TMEM198: variants seen among roughly 807,000 people sequenced by gnomAD.
TMEM198 encodes transmembrane protein 198.
Under a neutral mutation model 31.5 loss-of-function variants are expected in TMEM198, and 21 were observed. The ratio of observed to expected loss-of-function variants is 0.67; its 90% CI spans 0.47 to 0.96. The LOEUF is 0.96. TMEM198 is among the 40% of genes least tolerant of loss of function. The probability of loss-of-function intolerance (pLI) is 0.00; values close to 1 mark genes in which losing one functional copy is unlikely to be tolerated. For synonymous variants in TMEM198, 211 were observed against 223.3 expected, an observed-to-expected ratio of 0.95 and a Z score of 0.49; for missense variants, 447 against 499.4, an observed-to-expected ratio of 0.89 and a Z score of 1.00.
chr2:219,547,285 T>G, intron 2 of TMEM198: 1 of 437,410 alleles, frequency 2.3e-6, no homozygotes, highest in Non-Finnish European at 4.0e-6. Context: ...ATGGTTATGT[T>G]TGCCTTCCCA....
Position 219,550,400 on chromosome 2 carries a change from G to A in TMEM198, c.*546G>A. On this transcript the variant is annotated 3_prime_UTR_variant, in exon 5 of 5. Transcript: ENST00000373883. ...GCCTCTGTAAAGCCACCAGCCTGAGGGCAGTGGCAGGAGATGGGGGTGGGG... is the reference window on the plus strand; with the variant it reads ...GCCTCTGTAAAGCCACCAGCCTGAGAGCAGTGGCAGGAGATGGGGGTGGGG... 1 of 209,298 alleles carries A rather than the reference G, an allele frequency of 4.8e-6. No individual in the cohort carries two copies. 13.0% of individuals were successfully genotyped at this position (209,298 alleles called of 1,614,324 possible). A position where few individuals can be genotyped will look rare whatever the true frequency, so the allele number is the denominator to read the frequency against.
intron 3 of TMEM198, chr2:219,548,945 A>T: frequency 1.7e-6 from 1 of 593,782 alleles, no homozygotes; most frequent in Admixed American, 3.1e-5. Flanking sequence ...GCAACCTTCC[A>T]TAAAGACCTA....
At chr2:219,547,379 C>T (rs2105993918) in intron 2 of TMEM198, 127 bp from the exon 3 acceptor site, 2 of 753,742 alleles carry the variant, frequency 2.7e-6, no homozygotes, top group Non-Finnish European at 3.9e-6. Context: ...CAGTGACCCT[C>T]AATTCTCTGA....
upstream of TMEM198, chr2:219,543,693 C>T (rs555212430): frequency 3.3e-4 from 161 of 488,640 alleles, no homozygotes; most frequent in Non-Finnish European, 5.2e-4. Flanking sequence ...GCGGCCCGAG[C>T]CGAATCCCCG....
rs768324449 is a variant in TMEM198, at chr2:219,547,620, C to T, written c.281C>T (p.Ala94Val). 2.7e-5 allele frequency: 41 copies of T among 1,512,380 alleles called. No homozygotes were observed. In the Middle Eastern group the frequency reaches 7.5e-4, roughly 28 times the overall value. The allele number at this position is 1,512,380 out of a possible 1,614,324, so 93.7% of individuals were successfully genotyped here. A position where few individuals can be genotyped will look rare whatever the true frequency, so the allele number is the denominator to read the frequency against. The change falls in exon 3 of 5, where the codon GCG becomes GTG. Residue 94 changes from alanine (A) to valine (V), a missense_variant. Ala to Val is a moderately conservative substitution (Grantham distance 64). Coordinates refer to ENST00000373883, the MANE Select transcript of TMEM198 (RefSeq NM_001005209.3). ...RVLETQLSAG[A>V]SAGIALGIGL... ...CTAGAGACACAGCTGAGTGCTGGGGCGAGCGCGGGCATCGCTCTGGGCATC... is the reference window on the plus strand; with the variant it reads ...CTAGAGACACAGCTGAGTGCTGGGGTGAGCGCGGGCATCGCTCTGGGCATC...
At position 219,544,558 on chromosome 2, in the gene TMEM198, T is replaced by C. The variant is rs1574503432; in HGVS notation, c.-39-131T>C. On this transcript the variant is annotated intron_variant, in intron 1 of 4. Transcript: ENST00000373883. The stretch of plus-strand genomic sequence containing the variant: ...TCTTTGCTCCCCACTCCAGAGATGC[T>C]TCCGGAGCTGCACAAATGTGGATAC... 17 of 730,640 alleles carry C rather than the reference T, an allele frequency of 2.3e-5. No individual in the cohort carries two copies. In the East Asian group the frequency reaches 4.3e-4, roughly 19 times the overall value. 45.3% of individuals were successfully genotyped at this position (730,640 alleles called of 1,614,324 possible). A position where few individuals can be genotyped will look rare whatever the true frequency, so the allele number is the denominator to read the frequency against.
chr2:219,549,631 T>C (rs1409349720), intron 4 of TMEM198, 86 bp from the exon 5 acceptor site: 19 of 1,576,054 alleles, frequency 1.2e-5, no homozygotes, highest in Non-Finnish European at 1.6e-5. Flanking sequence ...TCTATAGAAG[T>C]GTCAGGCTTG....
In TMEM198 at chr2:219,550,582, G is replaced by A. The variant is rs896255963; in HGVS notation, c.*728G>A. ...TTTTATAAATGTGCCAAACTGTGTG[G>A]CCTCTGCCAGGAATGGTGGTCTTTG... On this transcript the variant is annotated 3_prime_UTR_variant, in exon 5 of 5. Transcript: ENST00000373883. The A allele has an allele frequency of 3.6e-6, 2 of 550,922 alleles. No homozygotes were observed. Among genetic ancestry groups the A allele is most frequent in the Non-Finnish European group, 6.5e-6 (2 of 308,032 alleles). The allele number at this position is 550,922 out of a possible 1,614,324, so 34.1% of individuals were successfully genotyped here. A position where few individuals can be genotyped will look rare whatever the true frequency, so the allele number is the denominator to read the frequency against.
At chr2:219,548,917 G>C (rs1695456672) in intron 3 of TMEM198, among the ~76,000 whole-genome samples, 2 of 148,974 alleles carry the variant, frequency 1.3e-5, no homozygotes, top group Non-Finnish European at 3.0e-5. Context: ...AGCCTGGAAG[G>C]GGGTACCTGG....
chr2:219,547,543 G>C lies in TMEM198; in HGVS notation c.204G>C (p.Gly68=), dbSNP rs769453390. The part of the protein sequence containing the change: ...RCFKAVLFLT[G]LLFGSVVIFL... ...TCAAGGCAGTGCTCTTTCTCACTGG[G>C]TTGCTGTTTGGCTCGGTGGTCATCT... is the stretch of plus-strand genomic sequence containing the variant. The change falls in exon 3 of 5, where the codon GGG becomes GGC. Residue 68 remains glycine (G), a synonymous_variant. Coordinates refer to ENST00000373883, the MANE Select transcript of TMEM198 (RefSeq NM_001005209.3). The C allele has an allele frequency of 6.8e-7, 1 of 1,460,710 alleles. No homozygotes were observed. Among genetic ancestry groups the C allele is most frequent in the East Asian group, 2.4e-5 (1 of 40,950 alleles). 90.5% of individuals were successfully genotyped at this position (1,460,710 alleles called of 1,614,324 possible). A position where few individuals can be genotyped will look rare whatever the true frequency, so the allele number is the denominator to read the frequency against.
chr2:219,550,043 C>A lies in TMEM198; in HGVS notation c.*189C>A. ...AGAGGAAAGCCCCCTCCCAAGCTCC[C>A]AAGAGGCTCCTGAGGAACTCGGGGT... On this transcript the variant is annotated 3_prime_UTR_variant, in exon 5 of 5. Transcript: ENST00000373883. 1.3e-6 allele frequency: 1 copy of A among 742,944 alleles called. No individual in the cohort carries two copies. Among genetic ancestry groups the A allele is most frequent in the Non-Finnish European group, 2.1e-6 (1 of 474,188 alleles). 46.0% of individuals were successfully genotyped at this position (742,944 alleles called of 1,614,324 possible).
At chr2:219,547,484 A>G in intron 2 of TMEM198, 22 bp from the exon 3 acceptor site, 1 of 1,397,666 alleles carries the variant, frequency 7.2e-7, no homozygotes, top group Non-Finnish European at 9.3e-7. Flanking sequence ...TTGGCCCCTC[A>G]CTAGCCCCTG....
rs1184442850 is a variant in TMEM198 at position 219,549,954 on chromosome 2, C to G, written c.*100C>G. 4 of 1,488,168 alleles carry G rather than the reference C, an allele frequency of 2.7e-6. No homozygotes were observed. In the East Asian group the frequency reaches 9.1e-5, roughly 34 times the overall value. The allele number at this position is 1,488,168 out of a possible 1,614,324, so 92.2% of individuals were successfully genotyped here. On this transcript the variant is annotated 3_prime_UTR_variant, in exon 5 of 5. Transcript: ENST00000373883. ...CTCCTGGCTTTGGCTGTCCCTCTCC[C>G]CAGCCTGGAGAGGGCTGGCCTGGTC... is the stretch of plus-strand genomic sequence containing the variant.
At chr2:219,543,701 C>T (rs568624042), upstream of TMEM198, 5 of 471,982 alleles carry the variant, frequency 1.1e-5, no homozygotes, top group Non-Finnish European at 1.4e-5. Flanking sequence ...AGCCGAATCC[C>T]CGGAGCCGCG....
In TMEM198 at chr2:219,544,706, ACTCC is replaced by A; in HGVS notation, c.-19_-16del. The A allele has an allele frequency of 1.9e-6, 3 of 1,605,098 alleles. No homozygotes were observed. The highest frequency in any genetic ancestry group is 2.6e-6 in the Non-Finnish European group (3 of 1,174,028). On this transcript the variant is annotated 5_prime_UTR_variant, in exon 2 of 5. Coordinates refer to ENST00000373883, the MANE Select transcript of TMEM198 (RefSeq NM_001005209.3). ...TCTGTCAGGTTAACTTGGGAGGGTG[ACTCC>A]CTTCTATTCCCAGCACTATGCCGGG...
In TMEM198 at chr2:219,547,855, C is replaced by G. The variant is rs772297200; in HGVS notation, c.516C>G (p.Thr172=). ...LLTLRWPRPL[T]TLATAVTGAA... ...CTCTGCGCTGGCCCCGCCCACTCAC[C>G]ACCCTGGCCACCGCCGTGACTGGTG... The change falls in exon 3 of 5, where the codon ACC becomes ACG. Residue 172 remains threonine (T), a synonymous_variant. Coordinates refer to ENST00000373883, the MANE Select transcript of TMEM198 (RefSeq NM_001005209.3). 3.8e-6 allele frequency: 6 copies of G among 1,586,460 alleles called. No individual in the cohort carries two copies. The highest frequency in any genetic ancestry group is 5.1e-6 in the Non-Finnish European group (6 of 1,171,248).
chr2:219,547,434 G>A, intron 2 of TMEM198, 72 bp from the exon 3 acceptor site: 1 of 1,241,286 alleles, frequency 8.1e-7, no homozygotes, highest in Non-Finnish European at 1.1e-6. Flanking sequence ...CCATGTCCTT[G>A]ACCCCTTGGA....
rs1230939946 is a variant in TMEM198, at chr2:219,550,393, G to A, written c.*539G>A. 2 of 205,918 alleles carry A rather than the reference G, an allele frequency of 9.7e-6. No individual in the cohort carries two copies. The highest frequency in any genetic ancestry group is 4.6e-5 in the African/African-American group (2 of 43,260). The allele number at this position is 205,918 out of a possible 1,614,324, so 12.8% of individuals were successfully genotyped here. ...TCCCCTGGCCTCTGTAAAGCCACCAGCCTGAGGGCAGTGGCAGGAGATGGG... is the reference window on the plus strand; with the variant it reads ...TCCCCTGGCCTCTGTAAAGCCACCAACCTGAGGGCAGTGGCAGGAGATGGG... On this transcript the variant is annotated 3_prime_UTR_variant, in exon 5 of 5. Coordinates refer to ENST00000373883, the MANE Select transcript of TMEM198 (RefSeq NM_001005209.3).
chr2:219,544,466 C>G, intron 1 of TMEM198, 89 bp downstream of exon 1: 1 of 579,510 alleles, frequency 1.7e-6, no homozygotes, highest in Non-Finnish European at 3.2e-6. Flanking sequence ...CCTTCATCCC[C>G]CCGACTCCCG....
Sources: allele counts gnomAD v4.1 joint callset (sites outside exome capture counted in the v4.1 genomes callset), GRCh38; gene constraint gnomAD v4.1.1; transcripts MANE v1.5; gene names NCBI Gene and HGNC (gene_info 2026-07-23, HGNC 2026-07-21).